Variants in ABCC8 observed in about 807,000 individuals in gnomAD.
ABCC8 encodes ATP binding cassette subfamily C member 8, also known as ATP-binding cassette sub-family C member 8.
Under a neutral mutation model 188.0 loss-of-function variants are expected in ABCC8, and 137 were observed. That is an observed-to-expected ratio of 0.73 (90% CI 0.63 to 0.84). The LOEUF is 0.84. Among genes scored for constraint, ABCC8 ranks in the 40% least tolerant of loss-of-function variants. ABCC8 has a pLI of 0.00. For synonymous variants in ABCC8, 797 were observed against 846.5 expected (o/e 0.94, Z 1.01); for missense variants, 1,750 against 2,072.7 (o/e 0.84, Z 3.02).
chr11:17,413,431 A>T lies in ABCC8; in HGVS notation c.2438T>A (p.Ile813Asn), dbSNP rs1954912700. 3 of 1,614,012 alleles carry T rather than the reference A, an allele frequency of 1.9e-6. No homozygotes were observed. Among genetic ancestry groups the T allele is most frequent in the Non-Finnish European group, 2.5e-6 (3 of 1,180,038 alleles). Residue 813 changes from isoleucine to asparagine, a missense_variant, in exon 20 of 39, where the codon ATC becomes AAC. Coordinates refer to ENST00000389817, the MANE Select transcript of ABCC8 (RefSeq NM_000352.6). ...EACSLQPDID[I>N]LPHGDQTQIG... ...CTGGGTCTGGTCTCCATGGGGCAGG[A>T]TGTCGATGTCTGGCTGCAGAGAGCA...
rs1953754020 is a variant in ABCC8 at position 17,393,737 on chromosome 11, A to G, written c.4568T>C (p.Val1523Ala). 2 of 1,614,118 alleles carry G rather than the reference A, an allele frequency of 1.2e-6. No individual in the cohort carries two copies. The highest frequency in any genetic ancestry group is 1.7e-6 in the Non-Finnish European group (2 of 1,179,976). ...MATENILQKV[V>A]MTAFADRTVV... ...AGTGCGGTCTGCGAAGGCTGTCATC[A>G]CCACCTTTTGGAGGATGTTTTCCTG... Residue 1523 changes from valine to alanine, a missense_variant, in exon 38 of 39, where the codon GTG becomes GCG. Transcript: ENST00000389817.
At position 17,470,103 on chromosome 11, in the gene ABCC8, A is replaced by T; in HGVS notation, c.410T>A (p.Ile137Asn). Residue 137 changes from isoleucine to asparagine, a missense_variant and splice_region_variant, in exon 3 of 39, where the codon ATT becomes AAT. Physicochemically the swap from Ile to Asn is moderately radical, Grantham distance 149 (BLOSUM62 -3). Coordinates refer to ENST00000389817, the MANE Select transcript of ABCC8 (RefSeq NM_000352.6). Reference sequence around the variant, plus strand: ...CCTCCCTCCTACACCTCACCTACCAATTAGCAGCTTGGGGAAGTTGGAAGT... The same window carrying T: ...CCTCCCTCCTACACCTCACCTACCATTTAGCAGCTTGGGGAAGTTGGAAGT... Reference protein sequence around the residue: ...IETSNFPKLLIALLVYWTLAF... With the variant: ...IETSNFPKLLNALLVYWTLAF... 1 of 1,614,100 alleles carries T rather than the reference A, an allele frequency of 6.2e-7. No homozygotes were observed.
chr11:17,424,861 C>G (rs1157145089), intron 16 of ABCC8, among the ~76,000 whole-genome samples: 2 of 152,254 alleles, frequency 1.3e-5, no homozygotes, highest in Non-Finnish European at 2.9e-5. Context: ...CCCAACTTCT[C>G]TGAGCCTGAG....
At chr11:17,403,463 T>C (rs1954350661) in intron 28 of ABCC8, among the ~76,000 whole-genome samples, 1 of 152,192 alleles carries the variant, frequency 6.6e-6, no homozygotes, top group South Asian at 2.1e-4. Context: ...TTTGAATTTT[T>C]TGAGTGTCAA....
At chr11:17,417,095 C>A (rs1955116857) in intron 16 of ABCC8, 133 bp from the exon 17 acceptor site, 3 of 1,551,194 alleles carry the variant, frequency 1.9e-6, no homozygotes, top group Admixed American at 3.8e-5. Context: ...TTCCAAATGG[C>A]CTCTGTGGGG....
intron 12 of ABCC8, chr11:17,429,155 C>G (rs1403693184): frequency 5.8e-6 from 1 of 172,188 alleles, no homozygotes; most frequent in African/African-American, 2.4e-5. Flanking sequence ...GCTATTCCTA[C>G]CCTCTCCCCT....
chr11:17,408,365 T>A, intron 23 of ABCC8, 27 bp downstream of exon 23: 3 of 1,602,968 alleles, frequency 1.9e-6, no homozygotes, highest in Non-Finnish European at 1.7e-6. Flanking sequence ...CAGGGGTGGC[T>A]GCTTGGCCAT....
intron 3 of ABCC8, among the ~76,000 whole-genome samples, chr11:17,465,841 C>T (rs1050116355): frequency 6.6e-6 from 1 of 152,142 alleles, no homozygotes; most frequent in Non-Finnish European, 1.5e-5. Flanking sequence ...TCCACACTTC[C>T]TCCCCATCTT....
At chr11:17,401,401 T>C (rs1231918468) in intron 29 of ABCC8, among the ~76,000 whole-genome samples, 2 of 152,182 alleles carry the variant, frequency 1.3e-5, no homozygotes, top group Non-Finnish European at 2.9e-5. Context: ...TGCTCTGCTC[T>C]TCTTTACTTA....
At position 17,405,568 on chromosome 11, in the gene ABCC8, G is replaced by C; in HGVS notation, c.3330-5C>G. Reference sequence around the variant, plus strand: ...AGGGGCGTGGTCTCAAAAAACCTAAGAGGCAGCCAGAGGAAGAGTTACTCA... The same window carrying C: ...AGGGGCGTGGTCTCAAAAAACCTAACAGGCAGCCAGAGGAAGAGTTACTCA... On this transcript the variant is annotated splice_polypyrimidine_tract_variant and splice_region_variant and intron_variant, in intron 26 of 38. Transcript: ENST00000389817. 1.2e-6 allele frequency: 2 copies of C among 1,614,234 alleles called. No homozygotes were observed.
intron 29 of ABCC8, 85 bp downstream of exon 29, chr11:17,402,576 G>C: frequency 6.2e-7 from 1 of 1,612,790 alleles, no homozygotes; most frequent in Non-Finnish European, 8.5e-7. Flanking sequence ...TTCCCAAGTG[G>C]AGTCCTGAGA....
At chr11:17,401,515 G>T (rs79299507) in intron 29 of ABCC8, among the ~76,000 whole-genome samples, 3 of 152,168 alleles carry the variant, frequency 2.0e-5, no homozygotes, top group East Asian at 1.9e-4. Context: ...TCAGGGGTTG[G>T]GGGGAGGAGA....
At chr11:17,430,383 G>T (rs1955789811) in intron 12 of ABCC8, 1 of 334,692 alleles carries the variant, frequency 3.0e-6, no homozygotes, top group Non-Finnish European at 5.9e-6. Context: ...CTGTGGAAAG[G>T]GTAGGGGATA....
At position 17,394,269 on chromosome 11, in the gene ABCC8, G is replaced by T. The variant is rs113282901; in HGVS notation, c.4542C>A (p.Ala1514=). The T allele has an allele frequency of 8.6e-4, 1,390 of 1,613,816 alleles. 17 individuals are homozygous for T. In the African/African-American group the frequency reaches 0.016, roughly 19 times the overall value. ...MDEATASIDM[A]TENILQKVVM... is the part of the protein sequence containing the mutation. Reference sequence around the variant, plus strand: ...CATGGAGGGGCCCAGGACCAACCGTGGCCATGTCAATGGAAGCCGTGGCCT... The same window carrying T: ...CATGGAGGGGCCCAGGACCAACCGTTGCCATGTCAATGGAAGCCGTGGCCT... The change falls in exon 37 of 39, where the codon GCC becomes GCA. Residue 1514 remains alanine, a synonymous_variant. Transcript: ENST00000389817.
At chr11:17,428,932 T>A (rs558276163) in intron 12 of ABCC8, 7 of 579,508 alleles carry the variant, frequency 1.2e-5, no homozygotes, top group Non-Finnish European at 2.1e-5. Context: ...AATGTTGAAG[T>A]TAGTTAGTCT....
intron 7 of ABCC8, among the ~76,000 whole-genome samples, chr11:17,450,320 T>TCTCTC (rs1564959472): frequency 3.4e-4 from 36 of 105,978 alleles, no homozygotes; most frequent in African/African-American, 1.5e-3. Flanking sequence ...CTTTCTTTCT[T>TCTCTC]TCTTTCTCTC....
intron 29 of ABCC8, 129 bp from the exon 30 acceptor site, chr11:17,398,570 G>A (rs1591719242): frequency 1.3e-6 from 2 of 1,529,352 alleles, no homozygotes; most frequent in Non-Finnish European, 1.8e-6. Flanking sequence ...GCCACTTCAT[G>A]TAAGCTATCC....
intron 8 of ABCC8, 94 bp downstream of exon 8, chr11:17,448,422 G>T (rs1437573828): frequency 1.8e-6 from 2 of 1,128,782 alleles, no homozygotes; most frequent in Admixed American, 3.4e-5. Context: ...GCATGGAGTG[G>T]AAGACGGTGT....
intron 29 of ABCC8, among the ~76,000 whole-genome samples, chr11:17,399,281 A>AG (rs1432335415): frequency 1.2e-5 from 1 of 83,132 alleles, no homozygotes; most frequent in Non-Finnish European, 3.0e-5. Flanking sequence ...GCCTCAAAAA[A>AG]AAAAAAAAAA....
Sources: gnomAD v4.1 joint callset for allele counts (sites outside exome capture counted in the v4.1 genomes callset) on GRCh38, gnomAD v4.1.1 for gene constraint, MANE v1.5 for transcripts, NCBI Gene and HGNC (gene_info 2026-07-23, HGNC 2026-07-21) for gene names.